The following FAM120B variants were observed in gnomAD, a reference collection of about 807,000 sequenced individuals.
FAM120B encodes constitutive coactivator of peroxisome proliferator-activated receptor gamma.
FAM120B carries 83 observed loss-of-function variants against 96.3 expected under a neutral mutation model. That is an observed-to-expected ratio of 0.86 (90% CI 0.72 to 1.03). The LOEUF (loss-of-function observed/expected upper bound fraction) is 1.03, where lower values mean the gene tolerates loss of function less well. FAM120B is among the 50% of genes least tolerant of loss of function. FAM120B has a pLI of 0.00. For missense variants in FAM120B, 1,027 were observed against 1,121.2 expected (o/e 0.92, Z 1.20); for synonymous variants, 407 against 402.7 (o/e 1.01, Z -0.13).
intron 6 of FAM120B, among the ~76,000 whole-genome samples, chr6:170,382,864 A>G (rs1789992429): frequency 6.6e-6 from 1 of 152,198 alleles, no homozygotes; most frequent in Non-Finnish European, 1.5e-5. Context: ...AGAAAAAGAA[A>G]ATGGGCAGAA....
At chr6:170,344,112 G>A (rs377701808) in intron 4 of FAM120B, among the ~76,000 whole-genome samples, 399 of 134,120 alleles carry the variant, frequency 3.0e-3, no homozygotes, top group East Asian at 0.017. Context: ...CACCTGCACC[G>A]TTGCCTGCGG....
chr6:170,404,574 AGT>A lies in FAM120B; in HGVS notation c.2719_2720del (p.Trp907GlufsTer99), dbSNP rs1466517016. The stretch of plus-strand genomic sequence containing the variant: ...GGAAGCAGACAGTATGAGCATGACC[AGT>A]GGAGAAGGTACTAGTCAACCTCCAG... On this transcript the variant is annotated frameshift_variant, in exon 10 of 11. Transcript: ENST00000476287. LOFTEE classifies it high-confidence loss of function. The A allele has an allele frequency of 3.7e-6, 6 of 1,613,936 alleles. No individual in the cohort carries two copies. In the Admixed American group the frequency reaches 6.7e-5, roughly 18 times the overall value.
At chr6:170,331,943 T>A (rs1450677904) in intron 4 of FAM120B, among the ~76,000 whole-genome samples, 2 of 152,190 alleles carry the variant, frequency 1.3e-5, no homozygotes, top group Non-Finnish European at 2.9e-5. Context: ...ACACACTCAT[T>A]TTCACAGCTA....
Position 170,351,656 on chromosome 6 carries a change from A to C in FAM120B, c.2190+3333A>C, listed in dbSNP as rs140529144. ...GTGCCAATACTCAACATTCTTAAGA[A>C]TTTCCAACCCAGAATTTTATATCCA... On this transcript the variant is annotated intron_variant, in intron 5 of 10. Transcript: ENST00000476287. 3.6e-3 allele frequency among the ~76,000 whole-genome samples: 541 copies of C among 151,766 alleles called. 5 individuals carry two copies. Among genetic ancestry groups the C allele is most frequent in the African/African-American group, 0.012 (499 of 41,520 alleles).
rs1219929809 is a variant in FAM120B at position 170,318,620 on chromosome 6, G to A, written c.1230G>A (p.Arg410=). The part of the protein sequence containing the change: ...EVPMCSDPEP[R]QEVPMCTGPE... ...CCATGTGTTCAGACCCTGAACCCAG[G>A]CAAGAAGTTCCCATGTGTACAGGCC... is the stretch of plus-strand genomic sequence containing the variant. Residue 410 remains arginine (R), a synonymous_variant, in exon 2 of 11, where the codon AGG becomes AGA. Coordinates refer to ENST00000476287, the MANE Select transcript of FAM120B (RefSeq NM_032448.3). The A allele has an allele frequency of 7.5e-6, 12 of 1,597,608 alleles. No homozygotes were observed. The highest frequency in any genetic ancestry group is 8.5e-6 in the Non-Finnish European group (10 of 1,171,090).
intron 7 of FAM120B, among the ~76,000 whole-genome samples, chr6:170,389,795 A>G (rs1300618309): frequency 6.6e-6 from 1 of 152,084 alleles, no homozygotes; most frequent in African/African-American, 2.4e-5. Flanking sequence ...CCTGGGCTCA[A>G]AGTGATCCGT....
rs913516149 is a variant in FAM120B at position 170,322,575 on chromosome 6, G to T, written c.1735-504G>T. Reference sequence around the variant, plus strand: ...CTGAATTATGGCTATTTCTATGAGGGTGAAATGGTGTGCAAGGCTAGAAAA... The same window carrying T: ...CTGAATTATGGCTATTTCTATGAGGTTGAAATGGTGTGCAAGGCTAGAAAA... On this transcript the variant is annotated intron_variant, in intron 2 of 10. Transcript: ENST00000476287. Among the ~76,000 whole-genome samples, 7 of 152,268 alleles carry T rather than the reference G, an allele frequency of 4.6e-5. No individual in the cohort carries two copies. In the East Asian group the frequency reaches 7.7e-4, roughly 17 times the overall value.
chr6:170,293,971 A>AGG (rs1297554418), upstream of FAM120B, among the ~76,000 whole-genome samples: 4 of 152,128 alleles, frequency 2.6e-5, no homozygotes, highest in African/African-American at 9.7e-5. Context: ...TGGGAAGACA[A>AGG]GGGGAGCCCT....
chr6:170,350,719 G>T (rs1787518732), intron 5 of FAM120B, among the ~76,000 whole-genome samples: 1 of 151,270 alleles, frequency 6.6e-6, no homozygotes, highest in African/African-American at 2.4e-5. Context: ...CCTGTTAAAA[G>T]AAAAACAGAA....
intron 6 of FAM120B, 29 bp from the exon 7 acceptor site, chr6:170,388,258 A>AT: frequency 1.2e-6 from 2 of 1,605,006 alleles, no homozygotes; most frequent in Non-Finnish European, 8.5e-7. Flanking sequence ...CCTGTCTTAC[A>AT]TTTTTGGTGT....
chr6:170,385,949 A>G (rs569845146), intron 6 of FAM120B, among the ~76,000 whole-genome samples: 1 of 152,292 alleles, frequency 6.6e-6, no homozygotes, highest in East Asian at 1.9e-4. Context: ...CAGTAGAAAG[A>G]TGAGTGATTG....
chr6:170,375,084 G>A (rs1210508554), intron 6 of FAM120B, among the ~76,000 whole-genome samples: 1 of 152,210 alleles, frequency 6.6e-6, no homozygotes, highest in Non-Finnish European at 1.5e-5. Context: ...GAGAGAGCTG[G>A]GGCTTCCAGT....
chr6:170,317,051 A>G (rs913305552), intron 1 of FAM120B, among the ~76,000 whole-genome samples: 6 of 152,244 alleles, frequency 3.9e-5, no homozygotes, highest in Non-Finnish European at 7.3e-5. Context: ...GAGAAATACT[A>G]CTACTTTGAA....
intron 6 of FAM120B, among the ~76,000 whole-genome samples, chr6:170,374,545 T>C (rs1789396230): frequency 6.6e-6 from 1 of 152,218 alleles, no homozygotes; most frequent in Admixed American, 6.5e-5. Flanking sequence ...TCGTTGAGGC[T>C]TTCTTTCACT....
intron 6 of FAM120B, among the ~76,000 whole-genome samples, chr6:170,366,936 A>C (rs1788842354): frequency 6.6e-6 from 1 of 151,994 alleles, no homozygotes; most frequent in African/African-American, 2.4e-5. Flanking sequence ...ATTCATATTC[A>C]GGACTTTGAT....
intron 3 of FAM120B, among the ~76,000 whole-genome samples, chr6:170,328,035 A>C (rs904399409): frequency 6.6e-6 from 1 of 152,196 alleles, no homozygotes; most frequent in Non-Finnish European, 1.5e-5. Flanking sequence ...ACATTCAAAA[A>C]ATATTTCTTT....
At chr6:170,395,098 T>A (rs1231221964) in intron 8 of FAM120B, among the ~76,000 whole-genome samples, 2 of 152,108 alleles carry the variant, frequency 1.3e-5, no homozygotes, top group Non-Finnish European at 2.9e-5. Flanking sequence ...GGGGAGAAGC[T>A]CACAAGTCCC....
chr6:170,377,426 C>T (rs552016718), intron 6 of FAM120B, among the ~76,000 whole-genome samples: 1 of 70,774 alleles, frequency 1.4e-5, no homozygotes, highest in Non-Finnish European at 3.0e-5. Flanking sequence ...TAAACCCAGA[C>T]GCCTGGGAGA....
rs959062629 is a variant in FAM120B, at chr6:170,404,663, T to G, written c.*11+62T>G. Reference sequence around the variant, plus strand: ...CACATGTCTGTCTTAATAACATAAATCTTCCATATCAAGTACCAAAGTAAA... The same window carrying G: ...CACATGTCTGTCTTAATAACATAAAGCTTCCATATCAAGTACCAAAGTAAA... On this transcript the variant is annotated intron_variant, in intron 10 of 10. Coordinates refer to ENST00000476287, the MANE Select transcript of FAM120B (RefSeq NM_032448.3). 48 of 1,271,732 alleles carry G rather than the reference T, an allele frequency of 3.8e-5. No homozygotes were observed. The Admixed American group carries it at 8.3e-4, about 22-fold the overall frequency. The allele number at this position is 1,271,732 out of a possible 1,614,324, so 78.8% of individuals were successfully genotyped here. A position where few individuals can be genotyped will look rare whatever the true frequency, so the allele number is the denominator to read the frequency against.
Sources: gnomAD v4.1 joint callset for allele counts (sites outside exome capture counted in the v4.1 genomes callset) on GRCh38, gnomAD v4.1.1 for gene constraint, MANE v1.5 for transcripts, NCBI Gene and HGNC (gene_info 2026-07-23, HGNC 2026-07-21) for gene names.